GEMIN5: variants seen among roughly 807,000 people sequenced by gnomAD.
GEMIN5 encodes the protein gem nuclear organelle associated protein 5.
In GEMIN5, 124 loss-of-function variants were observed where a neutral mutation model predicts 176.9. That is an observed-to-expected ratio of 0.70 (90% CI 0.61 to 0.81). GEMIN5 has a LOEUF of 0.81. Ranked by LOEUF, GEMIN5 falls within the 40% of genes least tolerant of loss-of-function variation. The pLI, the probability that GEMIN5 is intolerant of heterozygous loss-of-function variation, is 0.00. For synonymous variants in GEMIN5, 673 were observed against 665.2 expected (o/e 1.01, Z -0.18); for missense variants, 1,843 against 1,814.6 (o/e 1.02, Z -0.28).
chr5:154,925,201 A>G (rs1227025730), intron 8 of GEMIN5, among the ~76,000 whole-genome samples: 27 of 152,240 alleles, frequency 1.8e-4, no homozygotes, highest in Admixed American at 1.8e-3. Flanking sequence ...GGAAGAATTT[A>G]GAAAATACAG....
rs768353429 is a variant in GEMIN5, at chr5:154,899,285, G to A, written c.3040C>T (p.Arg1014Trp). The stretch of plus-strand genomic sequence containing the variant: ...AGGACTGGGTCCTCCGGGCGCAGCC[G>A]GGCCTTGGCAATCGCAATAGCTTCC... ...YREAIAIAKA[R>W]LRPEDPVLKD... The change falls in exon 22 of 28, where the codon CGG becomes TGG. Residue 1014 changes from arginine to tryptophan, a missense_variant. By Grantham distance (101) the Arg-to-Trp change is moderately radical. Coordinates refer to ENST00000285873, the MANE Select transcript of GEMIN5 (RefSeq NM_015465.5). 1.7e-5 allele frequency: 28 copies of A among 1,611,258 alleles called. No homozygotes were observed. Among genetic ancestry groups the A allele is most frequent in the East Asian group, 6.7e-5 (3 of 44,816 alleles).
intron 24 of GEMIN5, among the ~76,000 whole-genome samples, chr5:154,893,095 T>C (rs1763272170): frequency 6.9e-6 from 1 of 144,552 alleles, no homozygotes; most frequent in African/African-American, 2.7e-5. Context: ...AGACTCCCTC[T>C]CAAAACAAAC....
chr5:154,920,150 C>T lies in GEMIN5; in HGVS notation c.1463-47G>A, dbSNP rs1272003302. The T allele has an allele frequency of 6.5e-6, 10 of 1,537,278 alleles. No individual in the cohort carries two copies. In the Admixed American group the frequency reaches 1.8e-4, roughly 28 times the overall value. The stretch of plus-strand genomic sequence containing the variant: ...ACTTATCAGTTTTGTACTTCATCAG[C>T]TTAACTATTTGTTGCTATAGTATGA... On this transcript the variant is annotated intron_variant, in intron 10 of 27. Transcript: ENST00000285873.
intron 3 of GEMIN5, among the ~76,000 whole-genome samples, chr5:154,933,585 A>G (rs1764207880): frequency 6.6e-6 from 1 of 152,248 alleles, no homozygotes; most frequent in Admixed American, 6.5e-5. Context: ...CATTTTTATT[A>G]GAAAGTACAA....
Position 154,905,496 on chromosome 5 carries a change from G to C in GEMIN5, c.2396-20C>G, listed in dbSNP as rs781338365. 3 of 1,231,878 alleles carry C rather than the reference G, an allele frequency of 2.4e-6. No homozygotes were observed. In the Admixed American group the frequency reaches 6.6e-5, roughly 27 times the overall value. 76.3% of individuals were successfully genotyped at this position (1,231,878 alleles called of 1,614,324 possible). A position where few individuals can be genotyped will look rare whatever the true frequency, so the allele number is the denominator to read the frequency against. On this transcript the variant is annotated intron_variant, in intron 16 of 27. Coordinates refer to ENST00000285873, the MANE Select transcript of GEMIN5 (RefSeq NM_015465.5). ...TAGAAACTACATCATGGGGGAAAAA[G>C]GAAAAAAAAAGTTAAGGATAACAAT...
chr5:154,904,608 T>C lies in GEMIN5; in HGVS notation c.2531A>G (p.Lys844Arg). 1 of 1,611,608 alleles carries C rather than the reference T, an allele frequency of 6.2e-7. No homozygotes were observed. Among genetic ancestry groups the C allele is most frequent in the Non-Finnish European group, 8.5e-7 (1 of 1,177,778 alleles). Residue 844 changes from lysine to arginine, a missense_variant, in exon 18 of 28, where the codon AAA becomes AGA. Physicochemically the swap from Lys to Arg is conservative, Grantham distance 26 (BLOSUM62 2). Coordinates refer to ENST00000285873, the MANE Select transcript of GEMIN5 (RefSeq NM_015465.5). ...ACTCAGGGGAAGCAAGGAACGAGCTTTTCTCTTCTTGATTAAGGTTTCTGA... is the reference window on the plus strand; with the variant it reads ...ACTCAGGGGAAGCAAGGAACGAGCTCTTCTCTTCTTGATTAAGGTTTCTGA... ...EKPETLIKKR[K>R]ARSLLPLSTS...
intron 21 of GEMIN5, among the ~76,000 whole-genome samples, 176 bp downstream of exon 21, chr5:154,901,163 A>G (rs11167703): frequency 0.023 from 3,539 of 152,320 alleles, 49 homozygotes; most frequent in Non-Finnish European, 0.034. Context: ...CCGTCTCTAC[A>G]AAAAACTAAA....
intron 14 of GEMIN5, 44 bp downstream of exon 14, chr5:154,912,855 G>C: frequency 6.5e-7 from 1 of 1,534,298 alleles, no homozygotes; most frequent in Non-Finnish European, 8.9e-7. Context: ...GAATTTGTTA[G>C]AGTACACAGT....
chr5:154,924,482 T>C lies in GEMIN5; in HGVS notation c.1366A>G (p.Thr456Ala), dbSNP rs780964449. 1.2e-6 allele frequency: 2 copies of C among 1,607,220 alleles called. No individual in the cohort carries two copies. The highest frequency in any genetic ancestry group is 2.2e-5 in the East Asian group (1 of 44,810). The change falls in exon 9 of 28, where the codon ACC becomes GCC. Residue 456 changes from threonine (T) to alanine (A), a missense_variant. Thr to Ala is a moderately conservative substitution (Grantham distance 58). Coordinates refer to ENST00000285873, the MANE Select transcript of GEMIN5 (RefSeq NM_015465.5). The stretch of plus-strand genomic sequence containing the variant: ...CCCATTTCTTACTTGTTGGAGTAGG[T>C]GTCATACAATCCCACTTTTCCATCA... ...TDDGKVGLYD[T>A]YSNKPPQISS... is the part of the protein sequence containing the mutation.
chr5:154,917,073 G>A lies in GEMIN5; in HGVS notation c.1780C>T (p.Pro594Ser). ...GAGGCCATCAGATAGCTCAATTCTG[G>A]CTGGCTGCCATGCTCATGATGCCAG... ...ISWHHEHGSQ[P>S]ELSYLMASGS... Residue 594 changes from proline to serine, a missense_variant, in exon 13 of 28, where the codon CCA (proline) becomes TCA (serine). Coordinates refer to ENST00000285873, the MANE Select transcript of GEMIN5 (RefSeq NM_015465.5). 1 of 1,609,234 alleles carries A rather than the reference G, an allele frequency of 6.2e-7. No individual in the cohort carries two copies. The highest frequency in any genetic ancestry group is 8.5e-7 in the Non-Finnish European group (1 of 1,176,280).
At position 154,891,576 on chromosome 5, in the gene GEMIN5, T is replaced by A; in HGVS notation, c.3927A>T (p.Thr1309=). ...ACTGCTGGCTTGGCTCAACAGAGAG[T>A]GTTCTGTGACCAGCCCTTACCCAGA... ...SSVWVRAGHR[T]LSVEPSQQLD... Residue 1309 remains threonine (T), a synonymous_variant, in exon 26 of 28, where the codon ACA becomes ACT. Transcript: ENST00000285873. 6.2e-7 allele frequency: 1 copy of A among 1,613,952 alleles called. No homozygotes were observed. The highest frequency in any genetic ancestry group is 8.5e-7 in the Non-Finnish European group (1 of 1,179,980).
chr5:154,913,964 A>G (rs1410522493), intron 13 of GEMIN5, among the ~76,000 whole-genome samples: 1 of 152,184 alleles, frequency 6.6e-6, no homozygotes, highest in Non-Finnish European at 1.5e-5. Flanking sequence ...CTGCACCACT[A>G]CACTCCACCC....
intron 13 of GEMIN5, among the ~76,000 whole-genome samples, chr5:154,915,269 C>G (rs965988082): frequency 4.6e-5 from 7 of 152,170 alleles, no homozygotes; most frequent in Non-Finnish European, 1.0e-4. Context: ...TCTTAGAAAA[C>G]TACTGAAGTA....
intron 15 of GEMIN5, among the ~76,000 whole-genome samples, chr5:154,909,386 A>G (rs1763644744): frequency 1.3e-5 from 2 of 151,866 alleles, no homozygotes; most frequent in African/African-American, 4.8e-5. Flanking sequence ...TTTATTTATT[A>G]TATCGGTCTG....
At chr5:154,911,495 A>G (rs918422398) in intron 15 of GEMIN5, among the ~76,000 whole-genome samples, 11 of 152,164 alleles carry the variant, frequency 7.2e-5, no homozygotes, top group Admixed American at 3.3e-4. Flanking sequence ...TCTGGGCAAC[A>G]GAGCGAGACT....
chr5:154,927,607 CTG>C, intron 6 of GEMIN5, 57 bp from the exon 7 acceptor site: 1 of 1,333,106 alleles, frequency 7.5e-7, no homozygotes, highest in Non-Finnish European at 1.1e-6. Context: ...AAACAAGTGA[CTG>C]TTGAGACAGA....
chr5:154,902,683 G>C lies in GEMIN5; in HGVS notation c.2729-7C>G, dbSNP rs1421814. Reference sequence around the variant, plus strand: ...TTTTCTAAGTGACCTTTTCCTGTTTGAAAGAGAGATAATGTTTGGAAGGTG... The same window carrying C: ...TTTTCTAAGTGACCTTTTCCTGTTTCAAAGAGAGATAATGTTTGGAAGGTG... On this transcript the variant is annotated splice_region_variant and splice_polypyrimidine_tract_variant and intron_variant, in intron 19 of 27. Coordinates refer to ENST00000285873, the MANE Select transcript of GEMIN5 (RefSeq NM_015465.5). The C allele has an allele frequency of 0.079, 126,555 of 1,608,814 alleles. 5,763 individuals are homozygous for C. Among genetic ancestry groups the C allele is most frequent in the Admixed American group, 0.18 (10,903 of 59,886 alleles).
chr5:154,894,457 A>T (rs936084450), intron 24 of GEMIN5, among the ~76,000 whole-genome samples: 5 of 151,852 alleles, frequency 3.3e-5, no homozygotes, highest in African/African-American at 1.2e-4. Flanking sequence ...GACATGGGGC[A>T]TGTGCATGTT....
chr5:154,936,231 A>G (rs1452461369), intron 2 of GEMIN5, among the ~76,000 whole-genome samples: 2 of 152,126 alleles, frequency 1.3e-5, no homozygotes, highest in Non-Finnish European at 2.9e-5. Flanking sequence ...CCTGGCTAAC[A>G]TGGTGAAACC....
Sources: allele counts gnomAD v4.1 joint callset (sites outside exome capture counted in the v4.1 genomes callset), GRCh38; gene constraint gnomAD v4.1.1; transcripts MANE v1.5; gene names NCBI Gene and HGNC (gene_info 2026-07-23, HGNC 2026-07-21).